GPAT4: variants seen among roughly 807,000 people sequenced by gnomAD.
GPAT4 encodes glycerol-3-phosphate acyltransferase 4, also known as 1-AGP acyltransferase 6.
GPAT4 carries 17 observed loss-of-function variants against 58.0 expected under a neutral mutation model. The ratio of observed to expected loss-of-function variants is 0.29; its 90% confidence interval spans 0.20 to 0.44. The LOEUF (loss-of-function observed/expected upper bound fraction) is 0.44. Ranked by LOEUF, GPAT4 falls within the 20% of genes least tolerant of loss-of-function variation. GPAT4 has a pLI of 1.00. For missense variants in GPAT4, 377 were observed against 574.5 expected (o/e 0.66, Z 3.51); for synonymous variants, 204 against 210.1 (o/e 0.97, Z 0.25).
rs1282988938 is a variant in GPAT4, at chr8:41,621,113, G to T, written c.*112G>T. ...CTTTCCAGACTCCAGGGCTCCCCGG[G>T]CTGCTCTGGATCCCAGGACTCCGGC... On this transcript the variant is annotated 3_prime_UTR_variant, in exon 13 of 13. Transcript: ENST00000396987. 2 of 1,436,648 alleles carry T rather than the reference G, an allele frequency of 1.4e-6. No homozygotes were observed. Among genetic ancestry groups the T allele is most frequent in the African/African-American group, 1.4e-5 (1 of 70,346 alleles). 89.0% of individuals were successfully genotyped at this position (1,436,648 alleles called of 1,614,324 possible). A position where few individuals can be genotyped will look rare whatever the true frequency, so the allele number is the denominator to read the frequency against.
intron 1 of GPAT4, among the ~76,000 whole-genome samples, chr8:41,583,413 TC>T (rs1478927503): frequency 1.3e-5 from 2 of 152,042 alleles, no homozygotes; most frequent in African/African-American, 2.4e-5. Context: ...CATTTTTAGC[TC>T]CTATATATTG....
At chr8:41,611,498 C>T (rs1803442457) in intron 5 of GPAT4, among the ~76,000 whole-genome samples, 1 of 152,202 alleles carries the variant, frequency 6.6e-6, no homozygotes, top group African/African-American at 2.4e-5. Context: ...GAGGTTTTGT[C>T]TGTTTGTGTG....
intron 1 of GPAT4, among the ~76,000 whole-genome samples, chr8:41,580,275 C>T (rs866014208): frequency 3.3e-5 from 5 of 152,152 alleles, no homozygotes; most frequent in African/African-American, 1.2e-4. Flanking sequence ...AAGCTATAAA[C>T]GGTGTAGATA....
chr8:41,623,445 T>G lies in GPAT4; in HGVS notation c.*2444T>G, dbSNP rs898656301. The stretch of plus-strand genomic sequence containing the variant: ...GAATGACACCCAGTGGTGTAATGAG[T>G]GGAAAGTGCTGGTCAGCTGCTAACC... On this transcript the variant is annotated 3_prime_UTR_variant, in exon 13 of 13. Coordinates refer to ENST00000396987, the MANE Select transcript of GPAT4 (RefSeq NM_178819.4). 1 of 152,112 alleles carries G rather than the reference T, an allele frequency of 6.6e-6. No homozygotes were observed. Among genetic ancestry groups the G allele is most frequent in the Non-Finnish European group, 1.5e-5 (1 of 68,046 alleles). The allele number at this position is 152,112 out of a possible 1,614,324, so 9.4% of individuals were successfully genotyped here.
At chr8:41,592,915 G>A (rs1346434310) in intron 1 of GPAT4, among the ~76,000 whole-genome samples, 4 of 152,120 alleles carry the variant, frequency 2.6e-5, no homozygotes, top group African/African-American at 9.7e-5. Flanking sequence ...AGTACAGGAA[G>A]GGCCACTTTT....
In GPAT4 at chr8:41,610,488, C is replaced by T. The variant is rs184687455; in HGVS notation, c.537-248C>T. On this transcript the variant is annotated intron_variant, in intron 4 of 12. Transcript: ENST00000396987. ...GCCAGCTTAGGGTTTTCCAGCCTTC[C>T]AGCTGCCTGAGGCCTCAGGAGATGC... 16 of 1,352,584 alleles carry T rather than the reference C, an allele frequency of 1.2e-5. No homozygotes were observed. In the East Asian group the frequency reaches 4.4e-4, roughly 38 times the overall value. 83.8% of individuals were successfully genotyped at this position (1,352,584 alleles called of 1,614,324 possible).
intron 2 of GPAT4, among the ~76,000 whole-genome samples, chr8:41,603,525 CAAAAAAAAAAAAA>C (rs35302781): frequency 3.5e-5 from 3 of 85,306 alleles, no homozygotes; most frequent in African/African-American, 1.3e-4. Context: ...GACTCCGTCT[CAAAAAAAAAAAAA>C]AAAAAAAAGT....
At chr8:41,616,191 C>T (rs1031523069) in intron 10 of GPAT4, among the ~76,000 whole-genome samples, 5 of 152,340 alleles carry the variant, frequency 3.3e-5, no homozygotes, top group Non-Finnish European at 7.3e-5. Context: ...GAAGCCCTTA[C>T]TGCTGCCTCC....
intron 1 of GPAT4, among the ~76,000 whole-genome samples, chr8:41,582,902 A>C (rs1445760013): frequency 6.6e-6 from 1 of 152,112 alleles, no homozygotes; most frequent in African/African-American, 2.4e-5. Flanking sequence ...GAACATTTCA[A>C]ATCTACTTAA....
rs150638711 is a variant in GPAT4, at chr8:41,622,286, A to AGGAACAG, written c.*1287_*1288insAACAGGG. ...TGCTGCATGGTGGCTTCTGCAGGGG[A>AGGAACAG]GGGACAGGGGAGGGCTGCAGAGGGG... On this transcript the variant is annotated 3_prime_UTR_variant, in exon 13 of 13. Coordinates refer to ENST00000396987, the MANE Select transcript of GPAT4 (RefSeq NM_178819.4). 78,124 of 126,014 alleles carry AGGAACAG rather than the reference A, an allele frequency of 0.62. 21,845 individuals are homozygous for AGGAACAG. The highest frequency in any genetic ancestry group is 0.7 in the Middle Eastern group (203 of 288). The allele number at this position is 126,014 out of a possible 1,614,324, so 7.8% of individuals were successfully genotyped here. A position where few individuals can be genotyped will look rare whatever the true frequency, so the allele number is the denominator to read the frequency against.
intron 2 of GPAT4, among the ~76,000 whole-genome samples, chr8:41,603,183 C>T (rs944579781): frequency 3.3e-5 from 5 of 152,250 alleles, no homozygotes; most frequent in Non-Finnish European, 7.4e-5. Context: ...TTCATTTTGC[C>T]GTTCTCCCTC....
At chr8:41,601,327 G>T (rs1054669303) in intron 2 of GPAT4, among the ~76,000 whole-genome samples, 1 of 152,142 alleles carries the variant, frequency 6.6e-6, no homozygotes, top group Non-Finnish European at 1.5e-5. Context: ...TAGTGATCTA[G>T]TCAGTCTTTG....
In GPAT4 at chr8:41,618,939, T is replaced by C; in HGVS notation, c.1224T>C (p.Ser408=). ...DAVQFANRVK[S]AIARQGGLVD... ...TCCAGTTTGCGAATAGGGTGAAATC[T>C]GCCATTGCCAGGCAGGGAGGACTTG... Residue 408 remains serine, a synonymous_variant, in exon 12 of 13, where the codon TCT becomes TCC. Coordinates refer to ENST00000396987, the MANE Select transcript of GPAT4 (RefSeq NM_178819.4). The C allele has an allele frequency of 6.2e-7, 1 of 1,614,240 alleles. No homozygotes were observed. Among genetic ancestry groups the C allele is most frequent in the Non-Finnish European group, 8.5e-7 (1 of 1,180,038 alleles).
intron 1 of GPAT4, among the ~76,000 whole-genome samples, chr8:41,587,577 A>C (rs969246494): frequency 8.5e-5 from 13 of 152,130 alleles, no homozygotes; most frequent in Admixed American, 8.5e-4. Context: ...ACAGTTCCTC[A>C]TTGTGTGGGA....
At chr8:41,579,576 G>GC (rs138855223) in intron 1 of GPAT4, among the ~76,000 whole-genome samples, 13,997 of 152,218 alleles carry the variant, frequency 0.092, 826 homozygotes, top group South Asian at 0.14. Context: ...GGTGACTCAC[G>GC]CCGGTAATCC....
chr8:41,578,986 C>T (rs1481883241), intron 1 of GPAT4, among the ~76,000 whole-genome samples: 2 of 152,136 alleles, frequency 1.3e-5, no homozygotes, highest in Non-Finnish European at 1.5e-5. Context: ...TCATGGATAA[C>T]CTTGAGGTCA....
chr8:41,611,208 G>A (rs2150502070), intron 5 of GPAT4, among the ~76,000 whole-genome samples: 1 of 152,234 alleles, frequency 6.6e-6, no homozygotes, highest in East Asian at 1.9e-4. Flanking sequence ...CTAGGCAACA[G>A]AGCGAGACTC....
chr8:41,601,497 A>T (rs1217945860), intron 2 of GPAT4, among the ~76,000 whole-genome samples: 1 of 152,220 alleles, frequency 6.6e-6, no homozygotes, highest in Non-Finnish European at 1.5e-5. Context: ...GGATAGAATT[A>T]GTAGAAAAGC....
rs928458339 is a variant in GPAT4 at position 41,598,503 on chromosome 8, A to G, written c.-637A>G. The G allele has an allele frequency of 6.6e-6, 1 of 152,242 alleles. No individual in the cohort carries two copies. The highest frequency in any genetic ancestry group is 2.1e-4 in the South Asian group (1 of 4,832). 9.4% of individuals were successfully genotyped at this position (152,242 alleles called of 1,614,324 possible). A position where few individuals can be genotyped will look rare whatever the true frequency, so the allele number is the denominator to read the frequency against. On this transcript the variant is annotated 5_prime_UTR_variant, in exon 2 of 13. Transcript: ENST00000396987. Reference sequence around the variant, plus strand: ...TAGGAGGATCCTGGAAGCTGTGAGCACCAGGAGCCTTGCCAGAGGAGGATG... The same window carrying G: ...TAGGAGGATCCTGGAAGCTGTGAGCGCCAGGAGCCTTGCCAGAGGAGGATG...
Sources: allele counts gnomAD v4.1 joint callset (sites outside exome capture counted in the v4.1 genomes callset), GRCh38; gene constraint gnomAD v4.1.1; transcripts MANE v1.5; gene names NCBI Gene and HGNC (gene_info 2026-07-23, HGNC 2026-07-21).